The following MYT1L variants were observed in gnomAD, a reference collection of about 807,000 sequenced individuals.
MYT1L encodes myelin transcription factor 1-like protein.
MYT1L carries 12 observed loss-of-function variants against 126.7 expected under a neutral mutation model. The observed-to-expected ratio is 0.09, with a 90% CI of 0.06 to 0.15. MYT1L has a LOEUF of 0.15. MYT1L is among the 10% of genes least tolerant of loss of function. The probability of loss-of-function intolerance (pLI) is 1.00; values close to 1 mark genes in which losing one functional copy is unlikely to be tolerated. For synonymous variants in MYT1L, 541 were observed against 604.2 expected, an observed-to-expected ratio of 0.90 and a Z score of 1.53; for missense variants, 979 against 1,585.2, an observed-to-expected ratio of 0.62 and a Z score of 6.49.
intron 18 of MYT1L, among the ~76,000 whole-genome samples, chr2:1,859,054 C>T (rs1253729732): frequency 6.6e-6 from 1 of 152,200 alleles, no homozygotes; most frequent in Non-Finnish European, 1.5e-5. Context: ...GCTCTTGTCA[C>T]TAAGCTTCAG....
At chr2:2,064,234 C>T (rs572936210) in intron 3 of MYT1L, among the ~76,000 whole-genome samples, 2 of 152,180 alleles carry the variant, frequency 1.3e-5, no homozygotes, top group Admixed American at 1.3e-4. Context: ...GGGGCAAACA[C>T]GAGGTCAGTG....
intron 3 of MYT1L, among the ~76,000 whole-genome samples, chr2:2,105,426 CCT>C (rs768476492): frequency 1.3e-5 from 2 of 152,098 alleles, no homozygotes; most frequent in Non-Finnish European, 2.9e-5. Flanking sequence ...TCTGTTGCCC[CCT>C]CTTTTATTAT....
intron 20 of MYT1L, 92 bp from the exon 21 acceptor site, chr2:1,839,462 G>A (rs1174392457): frequency 3.4e-6 from 4 of 1,179,170 alleles, no homozygotes; most frequent in Non-Finnish European, 4.8e-6. Context: ...GCATGAAGAA[G>A]AAAAAAACAA....
intron 4 of MYT1L, among the ~76,000 whole-genome samples, chr2:2,021,501 C>T (rs905795241): frequency 2.6e-5 from 4 of 152,174 alleles, no homozygotes; most frequent in African/African-American, 9.6e-5. Context: ...GATTGGAGAA[C>T]ATTTATGAGG....
intron 3 of MYT1L, among the ~76,000 whole-genome samples, chr2:2,135,064 G>C (rs1399057217): frequency 1.3e-5 from 2 of 152,126 alleles, no homozygotes; most frequent in African/African-American, 4.8e-5. Context: ...CCAGCTCCCT[G>C]CTCCCTCACT....
At chr2:1,902,304 G>A (rs1422689735) in intron 14 of MYT1L, among the ~76,000 whole-genome samples, 2 of 152,238 alleles carry the variant, frequency 1.3e-5, no homozygotes, top group Admixed American at 6.5e-5. Flanking sequence ...CCGTGGCACT[G>A]TGTTTGTTGC....
chr2:1,866,666 A>G (rs1157555181), intron 18 of MYT1L, among the ~76,000 whole-genome samples: 2 of 59,166 alleles, frequency 3.4e-5, no homozygotes, highest in Admixed American at 2.2e-4. Flanking sequence ...AGAGAGGGAG[A>G]GGGAGGGAGA....
intron 18 of MYT1L, among the ~76,000 whole-genome samples, chr2:1,869,515 C>T (rs2046016416): frequency 6.6e-6 from 1 of 152,064 alleles, no homozygotes; most frequent in South Asian, 2.1e-4. Context: ...GACTCCGTGC[C>T]CTACACACTT....
In MYT1L at chr2:2,293,896, C is replaced by T. The variant is rs115643030; in HGVS notation, c.-520-9393G>A. ...CAGTTCCAAGAACGCCAGCCTGCTC[C>T]GTGCTTGGCGCGCCTCTGAGGGATG... On this transcript the variant is annotated intron_variant, in intron 1 of 24. Coordinates refer to ENST00000647738, the MANE Select transcript of MYT1L (RefSeq NM_001303052.2). 2.5e-3 allele frequency among the ~76,000 whole-genome samples: 388 copies of T among 152,302 alleles called. 11 individuals carry two copies. Among genetic ancestry groups the T allele is most frequent in the Admixed American group, 0.023 (348 of 15,302 alleles).
intron 21 of MYT1L, among the ~76,000 whole-genome samples, chr2:1,834,571 G>A (rs1046672015): frequency 2.6e-5 from 4 of 152,154 alleles, no homozygotes; most frequent in Non-Finnish European, 5.9e-5. Context: ...GAAATAGGAC[G>A]GTCACAAAAA....
chr2:1,935,109 C>T (rs1407088722), intron 9 of MYT1L, among the ~76,000 whole-genome samples: 1 of 152,184 alleles, frequency 6.6e-6, no homozygotes, highest in Non-Finnish European at 1.5e-5. Flanking sequence ...TAGTGAGCCT[C>T]AGTATTCAGA....
intron 2 of MYT1L, among the ~76,000 whole-genome samples, chr2:2,208,994 G>A (rs2093409567): frequency 7.6e-6 from 1 of 132,190 alleles, no homozygotes; most frequent in Non-Finnish European, 1.7e-5. Context: ...AAACAGGGAG[G>A]CATTTACACA....
intron 23 of MYT1L, among the ~76,000 whole-genome samples, chr2:1,797,212 G>A (rs954848906): frequency 2.6e-5 from 4 of 152,142 alleles, no homozygotes; most frequent in Admixed American, 6.5e-5. Flanking sequence ...GCCACCCCCA[G>A]AGGAAGCCTG....
At chr2:1,976,761 T>C (rs1393475443) in intron 8 of MYT1L, among the ~76,000 whole-genome samples, 1 of 152,256 alleles carries the variant, frequency 6.6e-6, no homozygotes. Context: ...TTCTTAAGTT[T>C]AAGAAATTAA....
chr2:2,012,740 C>T (rs1283581722), intron 4 of MYT1L, among the ~76,000 whole-genome samples: 4 of 152,152 alleles, frequency 2.6e-5, no homozygotes, highest in Admixed American at 6.6e-5. Context: ...TTGTCCAGTG[C>T]GTCCGTCCAC....
At chr2:2,259,409 T>TA (rs71402142) in intron 2 of MYT1L, among the ~76,000 whole-genome samples, 47,055 of 143,480 alleles carry the variant, frequency 0.33, 8,152 homozygotes, top group East Asian at 0.5. Context: ...AAAAAAACAT[T>TA]AAAAAAAAAA....
intron 2 of MYT1L, among the ~76,000 whole-genome samples, chr2:2,272,567 G>A (rs999261097): frequency 4.6e-5 from 7 of 152,152 alleles, no homozygotes; most frequent in East Asian, 1.9e-4. Context: ...AGTGAGTTCC[G>A]ACAGGAACAA....
intron 3 of MYT1L, among the ~76,000 whole-genome samples, chr2:2,116,541 T>C (rs1308874166): frequency 6.6e-6 from 1 of 152,246 alleles, no homozygotes; most frequent in East Asian, 1.9e-4. Context: ...GGGTCCCCAG[T>C]GAGCCATGCC....
chr2:1,892,360 TGCCCGCCCCG>T (rs1438994648), intron 14 of MYT1L, 73 bp from the exon 15 acceptor site: 5 of 1,497,522 alleles, frequency 3.3e-6, no homozygotes, highest in Non-Finnish European at 4.5e-6. Flanking sequence ...CGGCAGGGCC[TGCCCGCCCCG>T]GCCTCAGCCA....
Sources: allele counts gnomAD v4.1 joint callset (sites outside exome capture counted in the v4.1 genomes callset), GRCh38; gene constraint gnomAD v4.1.1; transcripts MANE v1.5; gene names NCBI Gene and HGNC (gene_info 2026-07-23, HGNC 2026-07-21).